The following CFAP299 variants were observed in gnomAD, a reference collection of about 807,000 sequenced individuals.
CFAP299 encodes cilia and flagella associated protein 299, also known as cilia- and flagella-associated protein 299.
CFAP299 carries 21 observed loss-of-function variants against 27.0 expected under a neutral mutation model. The ratio of observed to expected loss-of-function variants is 0.78; its 90% confidence interval spans 0.55 to 1.12. The LOEUF (loss-of-function observed/expected upper bound fraction) is 1.12, where lower values mean the gene tolerates loss of function less well. CFAP299 is among the 50% of genes most tolerant of loss of function. The pLI is 0.00. For missense variants in CFAP299, 310 were observed against 276.6 expected, an observed-to-expected ratio of 1.12 and a Z score of -0.86; for synonymous variants, 104 against 98.1, an observed-to-expected ratio of 1.06 and a Z score of -0.36.
intron 3 of CFAP299, among the ~76,000 whole-genome samples, chr4:80,775,613 C>T (rs778996607): frequency 1.3e-4 from 20 of 151,526 alleles, no homozygotes; most frequent in Non-Finnish European, 1.9e-4. Flanking sequence ...TAAGAAATAA[C>T]TTGAAAGTTT....
intron 2 of CFAP299, among the ~76,000 whole-genome samples, chr4:80,470,720 GGTTTT>G (rs766231163): frequency 2.4e-4 from 37 of 152,182 alleles, no homozygotes; most frequent in Middle Eastern, 3.4e-3. Flanking sequence ...ATTTCAGAAG[GGTTTT>G]GTTTTGTTTT....
At chr4:80,481,179 A>G (rs1298107807) in intron 2 of CFAP299, among the ~76,000 whole-genome samples, 1 of 152,016 alleles carries the variant, frequency 6.6e-6, no homozygotes, top group Non-Finnish European at 1.5e-5. Context: ...AGTAAAGGCC[A>G]ATAGTTCAGA....
intron 3 of CFAP299, among the ~76,000 whole-genome samples, chr4:80,693,781 C>G (rs1032610484): frequency 6.6e-6 from 1 of 150,944 alleles, no homozygotes; most frequent in Non-Finnish European, 1.5e-5. Flanking sequence ...GAGGGAATAC[C>G]CAGTTAATGT....
intron 2 of CFAP299, among the ~76,000 whole-genome samples, chr4:80,366,281 A>G (rs560297778): frequency 6.6e-6 from 1 of 152,324 alleles, no homozygotes; most frequent in Non-Finnish European, 1.5e-5. Flanking sequence ...AGCAACTCCA[A>G]GTAGGTCACA....
At chr4:80,501,310 T>G (rs1013560844) in intron 2 of CFAP299, among the ~76,000 whole-genome samples, 11 of 151,434 alleles carry the variant, frequency 7.3e-5, no homozygotes, top group Non-Finnish European at 1.3e-4. Context: ...AGACTTAATT[T>G]TTTTCAGTAG....
intron 3 of CFAP299, among the ~76,000 whole-genome samples, chr4:80,748,389 T>TA (rs1054042604): frequency 6.6e-6 from 1 of 152,086 alleles, no homozygotes; most frequent in African/African-American, 2.4e-5. Flanking sequence ...TTTAGGGTAA[T>TA]AAAAAAATTC....
At chr4:80,694,818 C>G (rs1720985464) in intron 3 of CFAP299, among the ~76,000 whole-genome samples, 1 of 152,078 alleles carries the variant, frequency 6.6e-6, no homozygotes, top group African/African-American at 2.4e-5. Context: ...TTGAATTTTA[C>G]ACTTTGAAAA....
In CFAP299 at chr4:80,527,474, T is replaced by C. The variant is rs1733249269; in HGVS notation, c.243-55619T>C. On this transcript the variant is annotated intron_variant, in intron 2 of 5. Coordinates refer to ENST00000358105, the MANE Select transcript of CFAP299 (RefSeq NM_152770.3). Reference sequence around the variant, plus strand: ...TAATCTTTCTAGAATATCACTTTCATCATGTAACTCCCCTTTTCTAAAAGC... The same window carrying C: ...TAATCTTTCTAGAATATCACTTTCACCATGTAACTCCCCTTTTCTAAAAGC... 3.3e-5 allele frequency among the ~76,000 whole-genome samples: 5 copies of C among 152,244 alleles called. No homozygotes were observed. The South Asian group carries it at 1.0e-3, about 32-fold the overall frequency.
intron 2 of CFAP299, among the ~76,000 whole-genome samples, chr4:80,489,051 A>T (rs1310818095): frequency 6.6e-6 from 1 of 152,208 alleles, no homozygotes; most frequent in Non-Finnish European, 1.5e-5. Context: ...CCTTAAGAGA[A>T]ATAAGCTTTA....
chr4:80,842,697 A>G (rs1730930593), intron 3 of CFAP299, among the ~76,000 whole-genome samples: 1 of 152,094 alleles, frequency 6.6e-6, no homozygotes. Context: ...ACTCAGGATT[A>G]CCTTTGGCAC....
intron 3 of CFAP299, among the ~76,000 whole-genome samples, chr4:80,829,756 C>A (rs895296651): frequency 3.3e-5 from 5 of 151,946 alleles, no homozygotes; most frequent in African/African-American, 7.2e-5. Context: ...CATTAACAAG[C>A]AAATCCTGAC....
chr4:80,589,364 T>C (rs1736606776), intron 3 of CFAP299, among the ~76,000 whole-genome samples: 1 of 152,182 alleles, frequency 6.6e-6, no homozygotes, highest in South Asian at 2.1e-4. Context: ...GAATATTACT[T>C]CCATGTGATT....
At chr4:80,924,125 T>C (rs1033013714) in intron 4 of CFAP299, among the ~76,000 whole-genome samples, 1 of 151,920 alleles carries the variant, frequency 6.6e-6, no homozygotes, top group Non-Finnish European at 1.5e-5. Context: ...GTTTGAAATG[T>C]TCCATGAAAC....
intron 5 of CFAP299, among the ~76,000 whole-genome samples, chr4:80,954,689 C>A (rs1233332928): frequency 6.6e-6 from 1 of 151,906 alleles, no homozygotes; most frequent in South Asian, 2.1e-4. Context: ...GCGGGGGGGA[C>A]AACTTATTTT....
At chr4:80,592,976 C>T (rs2109888433) in intron 3 of CFAP299, among the ~76,000 whole-genome samples, 1 of 152,326 alleles carries the variant, frequency 6.6e-6, no homozygotes, top group South Asian at 2.1e-4. Flanking sequence ...ATGCTCTTTA[C>T]AACCTAACTT....
At chr4:80,793,430 C>T (rs1727683947) in intron 3 of CFAP299, among the ~76,000 whole-genome samples, 1 of 151,976 alleles carries the variant, frequency 6.6e-6, no homozygotes, top group Admixed American at 6.6e-5. Context: ...ATGTTAATCT[C>T]CTTTGGCAAC....
At chr4:80,783,202 G>A (rs1727031477) in intron 3 of CFAP299, among the ~76,000 whole-genome samples, 1 of 152,110 alleles carries the variant, frequency 6.6e-6, no homozygotes. Context: ...AGATGAAAGA[G>A]TGGTTGAAAA....
chr4:80,649,040 G>T (rs1577973528), intron 3 of CFAP299: 1 of 152,118 alleles, frequency 6.6e-6, no homozygotes, highest in Admixed American at 6.6e-5. Context: ...AGAAAGTGCG[G>T]TTTAAACTGC....
chr4:80,477,359 C>A (rs1454623393), intron 2 of CFAP299, among the ~76,000 whole-genome samples: 1 of 152,186 alleles, frequency 6.6e-6, no homozygotes, highest in Non-Finnish European at 1.5e-5. Context: ...CCACATCCAA[C>A]CCCACCTCTG....
Sources: allele counts gnomAD v4.1 joint callset (sites outside exome capture counted in the v4.1 genomes callset), GRCh38; gene constraint gnomAD v4.1.1; transcripts MANE v1.5; gene names NCBI Gene and HGNC (gene_info 2026-07-23, HGNC 2026-07-21).